CALD1: variants seen among roughly 807,000 people sequenced by gnomAD.
CALD1 encodes the protein caldesmon.
Under a neutral mutation model 99.9 loss-of-function variants are expected in CALD1, and 33 were observed. The observed-to-expected ratio is 0.33, with a 90% CI of 0.25 to 0.44. The LOEUF (loss-of-function observed/expected upper bound fraction) is 0.44. CALD1 is among the 20% of genes least tolerant of loss of function. The pLI, the probability that CALD1 is intolerant of heterozygous loss-of-function variation, is 1.00. For synonymous variants in CALD1, 310 were observed against 325.0 expected, an observed-to-expected ratio of 0.95 and a Z score of 0.50; for missense variants, 861 against 962.1, an observed-to-expected ratio of 0.89 and a Z score of 1.39.
chr7:134,758,348 AT>A (rs1254061849), intron 1 of CALD1, among the ~76,000 whole-genome samples: 27 of 152,390 alleles, frequency 1.8e-4, no homozygotes, highest in Admixed American at 7.2e-4. Context: ...AGGCACACAC[AT>A]TTATAACATA....
intron 1 of CALD1, among the ~76,000 whole-genome samples, chr7:134,749,533 C>T (rs913891043): frequency 3.9e-5 from 6 of 152,164 alleles, no homozygotes; most frequent in Non-Finnish European, 7.3e-5. Context: ...GCAGGAGAAT[C>T]GCTTGAACCC....
chr7:134,925,374 T>G (rs1170012233), intron 3 of CALD1, among the ~76,000 whole-genome samples: 1 of 152,092 alleles, frequency 6.6e-6, no homozygotes, highest in African/African-American at 2.4e-5. Context: ...AGTGGGAAAT[T>G]AAGGACTTAA....
At chr7:134,840,081 GT>G (rs1799593215) in intron 1 of CALD1, among the ~76,000 whole-genome samples, 1 of 152,046 alleles carries the variant, frequency 6.6e-6, no homozygotes, top group South Asian at 2.1e-4. Context: ...TGCAACACAA[GT>G]TTTTTTATTT....
the CALD1 span, among the ~76,000 whole-genome samples, chr7:134,712,615 C>A: frequency 2.6e-5 from 4 of 152,192 alleles, no homozygotes; most frequent in Non-Finnish European, 5.9e-5. Flanking sequence ...GTTATCAATT[C>A]ATCATTTTAC....
At chr7:134,806,503 T>G (rs1798144857) in intron 1 of CALD1, among the ~76,000 whole-genome samples, 1 of 152,250 alleles carries the variant, frequency 6.6e-6, no homozygotes, top group South Asian at 2.1e-4. Flanking sequence ...GTTTCCTCTG[T>G]ATTCTGGAAC....
At chr7:134,875,039 C>A (rs1801283039) in intron 3 of CALD1, among the ~76,000 whole-genome samples, 1 of 152,144 alleles carries the variant, frequency 6.6e-6, no homozygotes, top group African/African-American at 2.4e-5. Flanking sequence ...ATTTTATCAT[C>A]AGAACATTAT....
intron 1 of CALD1, among the ~76,000 whole-genome samples, chr7:134,791,704 G>C (rs960401351): frequency 2.0e-5 from 3 of 152,176 alleles, no homozygotes; most frequent in African/African-American, 7.2e-5. Context: ...AAATAGTCTG[G>C]TCATCTTCTC....
intron 3 of CALD1, among the ~76,000 whole-genome samples, chr7:134,887,283 T>C (rs1253088220): frequency 1.3e-5 from 2 of 152,068 alleles, no homozygotes; most frequent in Admixed American, 1.3e-4. Context: ...GATGCCGTCG[T>C]CTATGAGGGG....
chr7:134,946,983 G>A (rs1302617738), intron 7 of CALD1, among the ~76,000 whole-genome samples: 2 of 151,982 alleles, frequency 1.3e-5, no homozygotes, highest in African/African-American at 4.8e-5. Context: ...CACTGCACCC[G>A]GCCTCTCCTT....
chr7:134,884,189 G>C (rs1048397344), intron 3 of CALD1, among the ~76,000 whole-genome samples: 2 of 152,138 alleles, frequency 1.3e-5, no homozygotes, highest in African/African-American at 4.8e-5. Flanking sequence ...GGGGATCTAG[G>C]AATATCCAAA....
intron 1 of CALD1, among the ~76,000 whole-genome samples, chr7:134,804,897 C>T (rs1221615691): frequency 6.6e-6 from 1 of 152,134 alleles, no homozygotes; most frequent in Non-Finnish European, 1.5e-5. Flanking sequence ...TCAAAACCGG[C>T]TGTAGGGGAG....
chr7:134,917,296 T>C (rs768134777), intron 3 of CALD1, among the ~76,000 whole-genome samples: 18 of 152,320 alleles, frequency 1.2e-4, no homozygotes, highest in Middle Eastern at 3.4e-3. Flanking sequence ...TTACTTTTGA[T>C]TGACAACATT....
At chr7:134,916,941 T>C (rs1804251511) in intron 3 of CALD1, among the ~76,000 whole-genome samples, 1 of 152,238 alleles carries the variant, frequency 6.6e-6, no homozygotes, top group Admixed American at 6.5e-5. Flanking sequence ...TTTCTCTTTC[T>C]AGGTGATTGT....
intron 9 of CALD1, among the ~76,000 whole-genome samples, chr7:134,952,843 C>G (rs774497255): frequency 7.2e-5 from 11 of 152,098 alleles, no homozygotes; most frequent in Non-Finnish European, 1.5e-4. Flanking sequence ...GTACTTGAAC[C>G]CTTGTCTCAA....
chr7:134,876,604 T>G (rs943618017), intron 3 of CALD1, among the ~76,000 whole-genome samples: 3 of 152,208 alleles, frequency 2.0e-5, no homozygotes, highest in African/African-American at 7.2e-5. Flanking sequence ...GAATCAAAGT[T>G]TGGCGTCTTT....
At chr7:134,795,771 A>C (rs1048082457) in intron 1 of CALD1, among the ~76,000 whole-genome samples, 1 of 152,046 alleles carries the variant, frequency 6.6e-6, no homozygotes, top group African/African-American at 2.4e-5. Context: ...GCTTATATAT[A>C]TCTTTTTATG....
intron 1 of CALD1, among the ~76,000 whole-genome samples, chr7:134,809,226 A>G (rs996585705): frequency 6.6e-6 from 1 of 152,200 alleles, no homozygotes; most frequent in Non-Finnish European, 1.5e-5. Context: ...CTTGCTAATG[A>G]ATCATGGTTT....
At chr7:134,847,743 A>G (rs1799911912) in intron 2 of CALD1, among the ~76,000 whole-genome samples, 1 of 152,200 alleles carries the variant, frequency 6.6e-6, no homozygotes, top group South Asian at 2.1e-4. Flanking sequence ...TCTGCCTGGC[A>G]TGACCATTGA....
At chr7:134,733,725 T>C in the CALD1 span, among the ~76,000 whole-genome samples, 1 of 151,060 alleles carries the variant, frequency 6.6e-6, no homozygotes, top group Non-Finnish European at 1.5e-5. Flanking sequence ...AGGAGAATGG[T>C]GTGAACCTGG....
Sources: gnomAD v4.1 joint callset for allele counts (sites outside exome capture counted in the v4.1 genomes callset) on GRCh38, gnomAD v4.1.1 for gene constraint, MANE v1.5 for transcripts, NCBI Gene and HGNC (gene_info 2026-07-23, HGNC 2026-07-21) for gene names.